The following N4BP2L1 variants were observed in gnomAD, a reference collection of about 807,000 sequenced individuals.
N4BP2L1 encodes NEDD4 binding protein 2 like 1.
Under a neutral mutation model 21.2 loss-of-function variants are expected in N4BP2L1, and 12 were observed. That is an observed-to-expected ratio of 0.57 (90% confidence interval 0.36 to 0.92). The LOEUF is 0.92. Ranked by LOEUF, N4BP2L1 falls within the 40% of genes least tolerant of loss-of-function variation. N4BP2L1 has a pLI of 0.01. For missense variants in N4BP2L1, 259 were observed against 310.6 expected (o/e 0.83, Z 1.25); for synonymous variants, 104 against 112.8 (o/e 0.92, Z 0.49).
Position 32,402,299 on chromosome 13 carries a change from T to A in N4BP2L1, c.*643A>T. ...GACACTGATTTCCCTCAGTAGCTCC[T>A]GTAGCTATTAAGGATTTGACAGCAT... On this transcript the variant is annotated 3_prime_UTR_variant, in exon 5 of 5. Coordinates refer to ENST00000380130, the MANE Select transcript of N4BP2L1 (RefSeq NM_052818.3). The A allele has an allele frequency of 1.7e-6, 1 of 573,826 alleles. No individual in the cohort carries two copies. The highest frequency in any genetic ancestry group is 2.2e-6 in the Non-Finnish European group (1 of 454,206). 35.5% of individuals were successfully genotyped at this position (573,826 alleles called of 1,614,324 possible). A position where few individuals can be genotyped will look rare whatever the true frequency, so the allele number is the denominator to read the frequency against.
intron 1 of N4BP2L1, among the ~76,000 whole-genome samples, chr13:32,413,255 A>T (rs1418410516): frequency 2.0e-5 from 3 of 152,192 alleles, no homozygotes; most frequent in South Asian, 2.1e-4. Flanking sequence ...TTAAATTTTT[A>T]AAAATTCCCC....
rs770694306 is a variant in N4BP2L1 at position 32,403,089 on chromosome 13, G to A, written c.585C>T (p.Asn195=). 4 of 1,614,054 alleles carry A rather than the reference G, an allele frequency of 2.5e-6. No homozygotes were observed. Reference sequence around the variant, plus strand: ...ATGCATTATTCCTGTCCTGGTTTCTGTTCATTCTGCTTGGCTTTTCTGCAT... The same window carrying A: ...ATGCATTATTCCTGTCCTGGTTTCTATTCATTCTGCTTGGCTTTTCTGCAT... ...VLHAEKPSRM[N]RNQDRNNALP... Residue 195 remains asparagine (N), a synonymous_variant, in exon 5 of 5, where the codon AAC becomes AAT. Transcript: ENST00000380130.
At chr13:32,403,546 CTTATG>C in intron 4 of N4BP2L1, 1 of 409,866 alleles carries the variant, frequency 2.4e-6, no homozygotes, top group Non-Finnish European at 4.7e-6. Flanking sequence ...TATCTATCTA[CTTATG>C]TTAATCAGTC....
At chr13:32,427,109 A>G (rs2074810703) in intron 1 of N4BP2L1, among the ~76,000 whole-genome samples, 1 of 152,222 alleles carries the variant, frequency 6.6e-6, no homozygotes, top group Admixed American at 6.5e-5. Context: ...CACAGGCACA[A>G]GCCCGCGTAA....
At chr13:32,409,652 C>T (rs1168120922) in intron 1 of N4BP2L1, among the ~76,000 whole-genome samples, 1 of 152,110 alleles carries the variant, frequency 6.6e-6, no homozygotes, top group Admixed American at 6.5e-5. Context: ...AAAAAGCTGG[C>T]CCAGCAAAGC....
intron 1 of N4BP2L1, 90 bp from the exon 2 acceptor site, chr13:32,407,862 A>C: frequency 7.1e-7 from 1 of 1,417,822 alleles, no homozygotes; most frequent in Non-Finnish European, 9.5e-7. Flanking sequence ...AACATTTAGC[A>C]GTTTATAATT....
At chr13:32,412,889 A>G (rs903703361) in intron 1 of N4BP2L1, among the ~76,000 whole-genome samples, 5 of 152,054 alleles carry the variant, frequency 3.3e-5, no homozygotes, top group Non-Finnish European at 7.4e-5. Flanking sequence ...AGCTAATGTT[A>G]GGTTTTTATT....
chr13:32,421,012 C>T (rs2074446273), intron 1 of N4BP2L1, among the ~76,000 whole-genome samples: 1 of 152,208 alleles, frequency 6.6e-6, no homozygotes, highest in Non-Finnish European at 1.5e-5. Context: ...TTTTACATTT[C>T]TCTTTATGTG....
Position 32,407,655 on chromosome 13 carries a change from G to T in N4BP2L1, c.297C>A (p.Asn99Lys). The change falls in exon 2 of 5, where the codon AAC (asparagine) becomes AAA (lysine). Residue 99 changes from asparagine to lysine, a missense_variant. Physicochemically the swap from Asn to Lys is moderately conservative, Grantham distance 94. Transcript: ENST00000380130. ...PDFLEEAHEW[N>K]QKRARKAMRN... is the part of the protein sequence containing the mutation. ...GAAGGAATTTGTCACCTCTTTTTTG[G>T]TTCCATTCATGAGCTTCCTCCAGGA... 1 of 1,613,356 alleles carries T rather than the reference G, an allele frequency of 6.2e-7. No homozygotes were observed. Among genetic ancestry groups the T allele is most frequent in the Non-Finnish European group, 8.5e-7 (1 of 1,179,994 alleles).
intron 1 of N4BP2L1, among the ~76,000 whole-genome samples, chr13:32,423,986 C>T (rs2074628668): frequency 6.6e-6 from 1 of 152,182 alleles, no homozygotes; most frequent in Non-Finnish European, 1.5e-5. Flanking sequence ...AGAGGTTCAC[C>T]CATGGATGCT....
intron 4 of N4BP2L1, chr13:32,403,693 G>A (rs1195048676): frequency 3.7e-6 from 2 of 535,612 alleles, no homozygotes; most frequent in Non-Finnish European, 7.6e-6. Flanking sequence ...CATGAACTCG[G>A]ATTTTAATAG....
chr13:32,402,912 G>T lies in N4BP2L1; in HGVS notation c.*30C>A. The T allele has an allele frequency of 6.6e-7, 1 of 1,522,786 alleles. No homozygotes were observed. The highest frequency in any genetic ancestry group is 1.3e-5 in the South Asian group (1 of 77,186). 94.3% of individuals were successfully genotyped at this position (1,522,786 alleles called of 1,614,324 possible). A position where few individuals can be genotyped will look rare whatever the true frequency, so the allele number is the denominator to read the frequency against. ...AAAACTGAAGTAGAAACTGACTTAG[G>T]AAAATTCTGCCTGGCTGTAAGATAG... is the stretch of plus-strand genomic sequence containing the variant. On this transcript the variant is annotated 3_prime_UTR_variant, in exon 5 of 5. Transcript: ENST00000380130.
intron 1 of N4BP2L1, among the ~76,000 whole-genome samples, chr13:32,412,867 T>G (rs1043467016): frequency 6.6e-6 from 1 of 152,180 alleles, no homozygotes; most frequent in Admixed American, 6.5e-5. Flanking sequence ...GAAAGAGTGA[T>G]TAATTCATAA....
At chr13:32,414,129 G>A (rs959307979) in intron 1 of N4BP2L1, among the ~76,000 whole-genome samples, 13 of 152,096 alleles carry the variant, frequency 8.5e-5, no homozygotes, top group African/African-American at 1.4e-4. Context: ...TGATCCACCC[G>A]CCTAGGCCTC....
At chr13:32,407,363 T>C (rs2073581415) in intron 2 of N4BP2L1, 25 bp from the exon 3 acceptor site, 5 of 1,613,880 alleles carry the variant, frequency 3.1e-6, no homozygotes, top group Non-Finnish European at 4.2e-6. Flanking sequence ...TACATAACAG[T>C]GAACAACATG....
intron 1 of N4BP2L1, chr13:32,425,544 T>C (rs1377586573): frequency 7.2e-6 from 1 of 138,842 alleles, no homozygotes; most frequent in African/African-American, 2.8e-5. Context: ...ATATAGCACT[T>C]TAAGTTTAAA....
intron 1 of N4BP2L1, among the ~76,000 whole-genome samples, chr13:32,422,532 G>A (rs755308555): frequency 2.0e-5 from 3 of 152,010 alleles, no homozygotes; most frequent in Non-Finnish European, 4.4e-5. Flanking sequence ...ACTTCCTCTC[G>A]GGTCATAATC....
At chr13:32,420,610 G>A (rs1404389069) in intron 1 of N4BP2L1, 3 of 152,106 alleles carry the variant, frequency 2.0e-5, no homozygotes, top group East Asian at 1.9e-4. Context: ...CTTATGCACC[G>A]AATTGAGAAC....
intron 3 of N4BP2L1, among the ~76,000 whole-genome samples, chr13:32,405,840 T>C (rs1387371197): frequency 6.6e-6 from 1 of 150,778 alleles, no homozygotes; most frequent in Non-Finnish European, 1.5e-5. Flanking sequence ...ATTAACCAGG[T>C]AGGGATTCTG....
Sources: allele counts gnomAD v4.1 joint callset (sites outside exome capture counted in the v4.1 genomes callset), GRCh38; gene constraint gnomAD v4.1.1; transcripts MANE v1.5; gene names NCBI Gene and HGNC (gene_info 2026-07-23, HGNC 2026-07-21).